SEZ6L2: variants seen among roughly 807,000 people sequenced by gnomAD.
SEZ6L2 encodes seizure related 6 homolog like 2.
SEZ6L2 carries 44 observed loss-of-function variants against 97.0 expected under a neutral mutation model. That is an observed-to-expected ratio of 0.45 (90% CI 0.36 to 0.58). The LOEUF is 0.58. SEZ6L2 is among the 20% of genes least tolerant of loss of function. SEZ6L2 has a pLI of 0.00. For synonymous variants in SEZ6L2, 543 were observed against 546.1 expected (o/e 0.99, Z 0.08); for missense variants, 1,086 against 1,233.3 (o/e 0.88, Z 1.79).
rs2067776326 is a variant in SEZ6L2 at position 29,871,389 on chromosome 16, G to A, written c.*310C>T. 2.0e-6 allele frequency: 1 copy of A among 505,856 alleles called. No homozygotes were observed. The highest frequency in any genetic ancestry group is 3.6e-6 in the Non-Finnish European group (1 of 277,510). 31.3% of individuals were successfully genotyped at this position (505,856 alleles called of 1,614,324 possible). ...AGAGCTATCGGGGGCAGTCCTTGAG[G>A]GGTGCCCTGGGCAGGAGGGGCTGCA... is the stretch of plus-strand genomic sequence containing the variant. On this transcript the variant is annotated 3_prime_UTR_variant, in exon 18 of 18. Coordinates refer to ENST00000617533, the MANE Select transcript of SEZ6L2 (RefSeq NM_001243332.2).
At chr16:29,878,778 T>C (rs1317600933) in intron 9 of SEZ6L2, among the ~76,000 whole-genome samples, 1 of 148,674 alleles carries the variant, frequency 6.7e-6, no homozygotes, top group Non-Finnish European at 1.5e-5. Context: ...TTTTTTTTTT[T>C]GTATTTTTAG....
rs1195530467 is a variant in SEZ6L2 at position 29,873,421 on chromosome 16, C to T, written c.2307G>A (p.Glu769=). The T allele has an allele frequency of 6.2e-7, 1 of 1,614,232 alleles. No individual in the cohort carries two copies. Among genetic ancestry groups the T allele is most frequent in the Admixed American group, 1.7e-5 (1 of 60,030 alleles). The change falls in exon 14 of 18, where the codon GAG becomes GAA. Residue 769 remains glutamate, a synonymous_variant. Coordinates refer to ENST00000617533, the MANE Select transcript of SEZ6L2 (RefSeq NM_001243332.2). This position sits in a 1 kb window ranked among gnomAD's most constrained non-coding sequence, Gnocchi z 4.3. The part of the protein sequence containing the change: ...DRVPKCALKY[E]PCLNPGVPEN... ...CGGGAACCCCCGGGTTCAGGCACGG[C>T]TCGTACTTCACTGCGGGGAGCATGC...
intron 17 of SEZ6L2, 98 bp downstream of exon 17, chr16:29,872,089 G>T: frequency 1.9e-6 from 2 of 1,046,244 alleles, no homozygotes; most frequent in Non-Finnish European, 1.4e-6. Flanking sequence ...AGCTGAGTTT[G>T]AAATTCCCAA....
At position 29,896,917 on chromosome 16, in the gene SEZ6L2, G is replaced by A; in HGVS notation, c.416C>T (p.Ser139Phe). 1 of 1,607,778 alleles carries A rather than the reference G, an allele frequency of 6.2e-7. No individual in the cohort carries two copies. The highest frequency in any genetic ancestry group is 8.5e-7 in the Non-Finnish European group (1 of 1,174,628). ...TTAPPPPSPA[S>F]PGPPLGPEGG... ...CTCAGGCCCAAGGGGAGGCCCTGGG[G>A]AGGCAGGGCTGGGTGGGGGTGGGGC... Residue 139 changes from serine to phenylalanine, a missense_variant, in exon 3 of 18, where the codon TCC becomes TTC. By Grantham distance (155) the Ser-to-Phe change is radical (BLOSUM62 -2). Around this residue, in one of 2 missense-constraint regions of SEZ6L2, gnomAD observed 776 missense variants for 794.7 expected, o/e 0.98. Coordinates refer to ENST00000617533, the MANE Select transcript of SEZ6L2 (RefSeq NM_001243332.2).
Position 29,873,472 on chromosome 16 carries a change from T to G in SEZ6L2, c.2297-41A>C. 6.2e-7 allele frequency: 1 copy of G among 1,614,004 alleles called. No homozygotes were observed. The stretch of plus-strand genomic sequence containing the variant: ...CAGTCACGTGCCAGCTGCACTACTG[T>G]GCACGGGGCAGACGGGCTCTCCCAG... On this transcript the variant is annotated intron_variant, in intron 13 of 17. Transcript: ENST00000617533. The surrounding 1 kb of genome is among the most constrained non-coding windows in gnomAD (Gnocchi z 4.3).
chr16:29,877,517 C>G (rs549016945), intron 10 of SEZ6L2, 50 bp from the exon 11 acceptor site: 1 of 1,493,410 alleles, frequency 6.7e-7, no homozygotes, highest in African/African-American at 1.4e-5. Flanking sequence ...CTGGCCCCTC[C>G]CATCCAGCTC....
intron 12 of SEZ6L2, among the ~76,000 whole-genome samples, chr16:29,875,829 G>GT (rs1025203973): frequency 2.0e-5 from 3 of 151,736 alleles, no homozygotes; most frequent in African/African-American, 7.3e-5. Flanking sequence ...TGCCCAGATA[G>GT]TTTTTTATTT....
intron 5 of SEZ6L2, among the ~76,000 whole-genome samples, chr16:29,894,855 G>A (rs987304413): frequency 3.9e-5 from 6 of 151,974 alleles, no homozygotes; most frequent in East Asian, 1.9e-4. Context: ...AGCCCCCTTC[G>A]GCACCCTGTG....
chr16:29,897,234 G>A (rs2068422071), intron 2 of SEZ6L2, 113 bp from the exon 3 acceptor site: 10 of 967,314 alleles, frequency 1.0e-5, no homozygotes, highest in Middle Eastern at 3.3e-4. Context: ...AAAGCCTCCC[G>A]CACAAGGTAC....
chr16:29,888,671 A>T lies in SEZ6L2; in HGVS notation c.908T>A (p.Val303Glu). The T allele has an allele frequency of 6.2e-7, 1 of 1,613,956 alleles. No individual in the cohort carries two copies. Among genetic ancestry groups the T allele is most frequent in the Non-Finnish European group, 8.5e-7 (1 of 1,179,918 alleles). ...AGTGCCCCCAGGGTGCAGGTCCGTCACACTCACGTCCCCATGGGCCGGCCG... is the reference window on the plus strand; with the variant it reads ...AGTGCCCCCAGGGTGCAGGTCCGTCTCACTCACGTCCCCATGGGCCGGCCG... The part of the protein sequence containing the change: ...PPRPAHGDVS[V>E]TDLHPGGTAT... The change falls in exon 6 of 18, where the codon GTG becomes GAG. Residue 303 changes from valine (V) to glutamate (E), a missense_variant. Val to Glu is a moderately radical substitution (Grantham distance 121). Around this residue, in one of 2 missense-constraint regions of SEZ6L2, gnomAD observed 776 missense variants for 794.7 expected, o/e 0.98. Transcript: ENST00000617533.
intron 5 of SEZ6L2, among the ~76,000 whole-genome samples, chr16:29,889,018 CA>C (rs1213981904): frequency 8.5e-5 from 13 of 152,132 alleles, no homozygotes; most frequent in African/African-American, 3.1e-4. Flanking sequence ...CCCCGCTACT[CA>C]TTTGTTGTGT....
At chr16:29,882,418 AAC>A (rs1282020404) in intron 8 of SEZ6L2, among the ~76,000 whole-genome samples, 1 of 151,940 alleles carries the variant, frequency 6.6e-6, no homozygotes, top group Non-Finnish European at 1.5e-5. Context: ...CTCTACTAAA[AAC>A]ACAAAAATTA....
At chr16:29,884,124 C>A (rs2068082447) in intron 8 of SEZ6L2, among the ~76,000 whole-genome samples, 1 of 152,030 alleles carries the variant, frequency 6.6e-6, no homozygotes, top group Non-Finnish European at 1.5e-5. Context: ...TGGAGCCCAC[C>A]AGGGAAGGCC....
chr16:29,874,932 T>C (rs2067872439), intron 12 of SEZ6L2, among the ~76,000 whole-genome samples: 1 of 151,888 alleles, frequency 6.6e-6, no homozygotes, highest in Admixed American at 6.6e-5. Context: ...TGGAATGCAG[T>C]GGTGAGATCA....
intron 8 of SEZ6L2, among the ~76,000 whole-genome samples, chr16:29,880,649 G>T (rs2068011867): frequency 6.6e-6 from 1 of 151,626 alleles, no homozygotes; most frequent in African/African-American, 2.4e-5. Flanking sequence ...AGAGACAGGG[G>T]TTTCACCATG....
At position 29,871,384 on chromosome 16, in the gene SEZ6L2, T is replaced by C. The variant is rs1328555863; in HGVS notation, c.*315A>G. On this transcript the variant is annotated 3_prime_UTR_variant, in exon 18 of 18. Coordinates refer to ENST00000617533, the MANE Select transcript of SEZ6L2 (RefSeq NM_001243332.2). Reference sequence around the variant, plus strand: ...ACAGTAGAGCTATCGGGGGCAGTCCTTGAGGGGTGCCCTGGGCAGGAGGGG... The same window carrying C: ...ACAGTAGAGCTATCGGGGGCAGTCCCTGAGGGGTGCCCTGGGCAGGAGGGG... 4.0e-6 allele frequency: 2 copies of C among 494,934 alleles called. No individual in the cohort carries two copies. The highest frequency in any genetic ancestry group is 3.9e-5 in the African/African-American group (2 of 51,486). 30.7% of individuals were successfully genotyped at this position (494,934 alleles called of 1,614,324 possible). A position where few individuals can be genotyped will look rare whatever the true frequency, so the allele number is the denominator to read the frequency against.
intron 9 of SEZ6L2, among the ~76,000 whole-genome samples, 189 bp downstream of exon 9, chr16:29,879,675 C>A (rs945850932): frequency 6.6e-5 from 10 of 152,320 alleles, no homozygotes; most frequent in South Asian, 2.1e-4. Flanking sequence ...GTTTGTGACC[C>A]CTGCATTCAG....
intron 4 of SEZ6L2, 79 bp from the exon 5 acceptor site, chr16:29,895,539 C>CA (rs2068366753): frequency 6.6e-7 from 1 of 1,523,724 alleles, no homozygotes; most frequent in Non-Finnish European, 9.0e-7. Flanking sequence ...TGTGCCTTTG[C>CA]CCTGTGTGTA....
rs750597329 is a variant in SEZ6L2 at position 29,871,721 on chromosome 16, C to T, written c.2750G>A (p.Arg917Gln). ...SNPLYEAGDT[R>Q]EYEVSI ...GGTTCAGATGGAAACTTCATACTCC[C>T]GCGTATCCTGAAGACAGAGAGATCA... The change falls in exon 18 of 18, where the codon CGG (arginine) becomes CAG (glutamine). Residue 917 changes from arginine (R) to glutamine (Q), a missense_variant. Coordinates refer to ENST00000617533, the MANE Select transcript of SEZ6L2 (RefSeq NM_001243332.2). 10 of 1,608,562 alleles carry T rather than the reference C, an allele frequency of 6.2e-6. No homozygotes were observed. Among genetic ancestry groups the T allele is most frequent in the African/African-American group, 4.0e-5 (3 of 74,760 alleles).
Sources: allele counts gnomAD v4.1 joint callset (sites outside exome capture counted in the v4.1 genomes callset), GRCh38; gene constraint gnomAD v4.1.1; regional missense constraint gnomAD v4.1.1; non-coding constraint Gnocchi (gnomAD v3.1); transcripts MANE v1.5; gene names NCBI Gene and HGNC (gene_info 2026-07-23, HGNC 2026-07-21).